Variants in RP1 observed in about 807,000 individuals in gnomAD.
The protein encoded by RP1 is RP1 axonemal microtubule associated, also known as oxygen-regulated protein 1.
RP1 carries 16 observed loss-of-function variants against 14.8 expected under a neutral mutation model. That is an observed-to-expected ratio of 1.08 (90% CI 0.73 to 1.65). RP1 has a LOEUF of 1.65. Among genes scored for constraint, RP1 ranks in the 40% most tolerant of loss-of-function variants. The pLI is 0.00. For synonymous variants in RP1, 876 were observed against 883.6 expected (o/e 0.99, Z 0.15); for missense variants, 2,631 against 2,535.0 (o/e 1.04, Z -0.81).
chr8:54,587,804 C>A (rs1471535611), intron 1 of RP1, among the ~76,000 whole-genome samples: 1 of 152,172 alleles, frequency 6.6e-6, no homozygotes, highest in Non-Finnish European at 1.5e-5. Flanking sequence ...TTCTGTGAGT[C>A]TATAGAAAGG....
chr8:54,665,251 T>A (rs1806992225), intron 7 of RP1, among the ~76,000 whole-genome samples: 1 of 152,170 alleles, frequency 6.6e-6, no homozygotes, highest in Admixed American at 6.6e-5. Context: ...TCATTTTCTT[T>A]GACTCTTTCT....
intron 24 of RP1, among the ~76,000 whole-genome samples, chr8:54,836,837 C>T (rs975655934): frequency 5.3e-5 from 8 of 151,344 alleles, no homozygotes; most frequent in African/African-American, 2.4e-5. Flanking sequence ...AAATAGAAAA[C>T]TAATGCAGTA....
chr8:54,807,141 A>T (rs1409513718), intron 24 of RP1, among the ~76,000 whole-genome samples: 3 of 152,284 alleles, frequency 2.0e-5, no homozygotes, highest in East Asian at 3.9e-4. Context: ...ATGAGGTAGG[A>T]TGCAAAAGGA....
At chr8:54,585,559 G>C (rs942406693) in intron 1 of RP1, among the ~76,000 whole-genome samples, 1 of 152,128 alleles carries the variant, frequency 6.6e-6, no homozygotes, top group Non-Finnish European at 1.5e-5. Flanking sequence ...GCTAGATTGG[G>C]GCAGTTCTCC....
At chr8:54,860,018 A>T (rs1206547258) in intron 27 of RP1, among the ~76,000 whole-genome samples, 1 of 152,210 alleles carries the variant, frequency 6.6e-6, no homozygotes, top group East Asian at 1.9e-4. Context: ...TGTAGAGAAA[A>T]CTGCCACCAC....
intron 15 of RP1, among the ~76,000 whole-genome samples, chr8:54,719,751 G>A (rs952197525): frequency 1.3e-5 from 2 of 152,146 alleles, no homozygotes; most frequent in Non-Finnish European, 2.9e-5. Flanking sequence ...CTTATGGTAA[G>A]AATAGCACTT....
chr8:54,759,151 T>TGA (rs1809579380), intron 22 of RP1: 1 of 1,301,296 alleles, frequency 7.7e-7, no homozygotes. Flanking sequence ...TGTGTGTGTG[T>TGA]GTGTGTGTGT....
At chr8:54,798,401 T>C (rs1277015212) in intron 24 of RP1, among the ~76,000 whole-genome samples, 1 of 152,144 alleles carries the variant, frequency 6.6e-6, no homozygotes, top group African/African-American at 2.4e-5. Context: ...AAGAGAGCGA[T>C]AGATTAGAAA....
intron 27 of RP1, among the ~76,000 whole-genome samples, chr8:54,857,399 A>G (rs1812230701): frequency 6.7e-6 from 1 of 148,626 alleles, no homozygotes; most frequent in African/African-American, 2.4e-5. Context: ...ATGTAGATTT[A>G]TGATATATAT....
chr8:54,629,374 A>C lies in RP1; in HGVS notation c.5492A>C (p.His1831Pro). 1 of 1,614,170 alleles carries C rather than the reference A, an allele frequency of 6.2e-7. No homozygotes were observed. The highest frequency in any genetic ancestry group is 8.5e-7 in the Non-Finnish European group (1 of 1,179,986). The change falls in exon 4 of 4, where the codon CAT (histidine) becomes CCT (proline). Residue 1831 changes from histidine to proline, a missense_variant. Coordinates refer to ENST00000220676, the MANE Select transcript of RP1 (RefSeq NM_006269.2). The stretch of plus-strand genomic sequence containing the variant: ...CATGGTAGTGACTCAGAACCTTTTC[A>C]TGAGGACTTGCTGGATGTTCGCAAT... ...MPHGSDSEPF[H>P]EDLLDVRNET...
intron 1 of RP1, among the ~76,000 whole-genome samples, chr8:54,588,388 G>C (rs934002655): frequency 2.0e-5 from 3 of 152,208 alleles, no homozygotes; most frequent in Admixed American, 6.5e-5. Context: ...TAAGCATGGA[G>C]CTGAGGTTCA....
Position 54,624,688 on chromosome 8 carries a change from C to T in RP1, c.806C>T (p.Ser269Leu), listed in dbSNP as rs1488188331. 2 of 1,613,776 alleles carry T rather than the reference C, an allele frequency of 1.2e-6. No individual in the cohort carries two copies. Among genetic ancestry groups the T allele is most frequent in the African/African-American group, 2.7e-5 (2 of 74,892 alleles). Residue 269 changes from serine (S) to leucine (L), a missense_variant, in exon 4 of 4, where the codon TCA becomes TTA. Physicochemically the swap from Ser to Leu is moderately radical, Grantham distance 145. Transcript: ENST00000220676. ...TTTAAAGTAAGCACACATATGTCTT[C>T]AAGCTCAAGGTCCCAGATTTATTCT... ...ESRKISTHMS[S>L]SSRSQIYSVS...
chr8:54,677,761 T>A (rs564181296), intron 8 of RP1, among the ~76,000 whole-genome samples: 2 of 152,072 alleles, frequency 1.3e-5, no homozygotes, highest in Admixed American at 1.3e-4. Context: ...AAGAAAAAAA[T>A]AAATTTTATC....
intron 24 of RP1, among the ~76,000 whole-genome samples, chr8:54,787,388 T>C (rs571270486): frequency 3.9e-5 from 6 of 152,192 alleles, no homozygotes; most frequent in East Asian, 1.9e-4. Flanking sequence ...TAAATATCCA[T>C]TGAAATCATG....
intron 12 of RP1, among the ~76,000 whole-genome samples, chr8:54,687,514 T>C (rs759359862): frequency 1.4e-4 from 22 of 152,048 alleles, no homozygotes; most frequent in Non-Finnish European, 2.6e-4. Flanking sequence ...CCTATGTCCA[T>C]GTGTTCTCAT....
At chr8:54,789,151 C>A (rs866378520) in intron 24 of RP1, among the ~76,000 whole-genome samples, 1 of 152,176 alleles carries the variant, frequency 6.6e-6, no homozygotes, top group Non-Finnish European at 1.5e-5. Context: ...GGGTTCACAG[C>A]AACCAGTGCA....
chr8:54,720,378 C>T (rs1025476177), intron 16 of RP1: 2 of 1,322,096 alleles, frequency 1.5e-6, no homozygotes, highest in Non-Finnish European at 1.0e-6. Context: ...CTGAAAATTT[C>T]ATCACATTTT....
intron 24 of RP1, among the ~76,000 whole-genome samples, chr8:54,788,591 T>C (rs923290376): frequency 5.3e-5 from 8 of 152,226 alleles, no homozygotes; most frequent in Non-Finnish European, 1.0e-4. Flanking sequence ...TTGACTTTCC[T>C]GTGGATGGCA....
intron 6 of RP1, among the ~76,000 whole-genome samples, chr8:54,662,954 C>T (rs439539): frequency 0.22 from 33,521 of 152,030 alleles, 4,275 homozygotes; most frequent in East Asian, 0.42. Context: ...CAGTAGTCCC[C>T]GCTTATCCAT....
Sources: gnomAD v4.1 joint callset for allele counts (sites outside exome capture counted in the v4.1 genomes callset) on GRCh38, gnomAD v4.1.1 for gene constraint, MANE v1.5 for transcripts, NCBI Gene and HGNC (gene_info 2026-07-23, HGNC 2026-07-21) for gene names.